Variants in CENPE observed in about 807,000 individuals in gnomAD.
CENPE encodes the protein centromere-associated protein E.
Under a neutral mutation model 336.1 loss-of-function variants are expected in CENPE, and 145 were observed. The observed-to-expected ratio is 0.43, with a 90% CI of 0.38 to 0.50. The LOEUF is 0.50. Among genes scored for constraint, CENPE ranks in the 20% least tolerant of loss-of-function variants. The probability of loss-of-function intolerance (pLI) is 0.00; values close to 1 mark genes in which losing one functional copy is unlikely to be tolerated. For synonymous variants in CENPE, 1,013 were observed against 984.8 expected (o/e 1.03, Z -0.54); for missense variants, 2,719 against 3,023.3 (o/e 0.90, Z 2.36).
chr4:103,154,561 C>T (rs144932190), intron 24 of CENPE, among the ~76,000 whole-genome samples: 22 of 152,146 alleles, frequency 1.4e-4, no homozygotes, highest in Middle Eastern at 6.8e-3. Context: ...GTAGGGAACA[C>T]GTAGTCTTTT....
chr4:103,174,174 A>T (rs527294583), intron 16 of CENPE, among the ~76,000 whole-genome samples: 72 of 147,540 alleles, frequency 4.9e-4, no homozygotes, highest in African/African-American at 7.9e-4. Flanking sequence ...CAGCTATTTA[A>T]AAAAAAAAAA....
intron 38 of CENPE, 43 bp from the exon 39 acceptor site, chr4:103,138,492 T>C: frequency 8.3e-7 from 1 of 1,209,624 alleles, no homozygotes; most frequent in Non-Finnish European, 1.2e-6. Flanking sequence ...TTGTCATGAC[T>C]ATATTCACAT....
chr4:103,129,139 C>A (rs568880580), intron 42 of CENPE, among the ~76,000 whole-genome samples: 2 of 152,218 alleles, frequency 1.3e-5, no homozygotes, highest in East Asian at 1.9e-4. Context: ...TGGACCAATT[C>A]TTTGAAAGAC....
At chr4:103,113,686 A>G (rs2125844573) in intron 46 of CENPE, among the ~76,000 whole-genome samples, 1 of 146,720 alleles carries the variant, frequency 6.8e-6, no homozygotes, top group African/African-American at 2.5e-5. Context: ...GTATACTTAT[A>G]TATGTATAAT....
At chr4:103,154,627 C>A (rs996527122) in intron 24 of CENPE, among the ~76,000 whole-genome samples, 5 of 152,068 alleles carry the variant, frequency 3.3e-5, no homozygotes, top group Admixed American at 1.3e-4. Flanking sequence ...AAATACAAAG[C>A]AGATTGAGAC....
intron 40 of CENPE, among the ~76,000 whole-genome samples, chr4:103,135,204 G>A (rs1386957174): frequency 1.3e-5 from 2 of 152,104 alleles, no homozygotes; most frequent in Admixed American, 6.5e-5. Flanking sequence ...TCTTACAAAT[G>A]TATTATCTAT....
intron 20 of CENPE, 114 bp downstream of exon 20, chr4:103,160,972 T>G: frequency 1.9e-6 from 2 of 1,036,790 alleles, no homozygotes. Flanking sequence ...ATTGAGTTTT[T>G]AAAAAGTCAG....
intron 43 of CENPE, among the ~76,000 whole-genome samples, chr4:103,120,778 C>T (rs1366370731): frequency 2.0e-5 from 3 of 151,766 alleles, no homozygotes; most frequent in Non-Finnish European, 4.4e-5. Context: ...CTCTGTTGCC[C>T]AGGCTGGAAT....
In CENPE at chr4:103,146,008, T is replaced by A; in HGVS notation, c.4234A>T (p.Lys1412Ter). 6.2e-7 allele frequency: 1 copy of A among 1,614,008 alleles called. No individual in the cohort carries two copies. ...TCTATCCTTAGTAGTGCTGAATCTT[T>A]GGGTTTGAATTGCTCCATCTCACTC... ...IVSEMEQFKP[K>*]DSALLRIEIE... The change falls in exon 30 of 49, where the codon AAA becomes TAA. Residue 1412 changes from lysine to a stop codon, truncating the protein, a stop_gained. Coordinates refer to ENST00000265148, the MANE Select transcript of CENPE (RefSeq NM_001813.3). LOFTEE classifies it high-confidence loss of function.
At chr4:103,113,163 C>G (rs1432616913) in intron 46 of CENPE, among the ~76,000 whole-genome samples, 4 of 123,040 alleles carry the variant, frequency 3.3e-5, no homozygotes, top group Non-Finnish European at 6.6e-5. Context: ...TGTATATATA[C>G]TTATAAGTAT....
chr4:103,194,042 C>T lies in CENPE; in HGVS notation c.693+187G>A, dbSNP rs3816642. On this transcript the variant is annotated intron_variant, in intron 8 of 48. Transcript: ENST00000265148. ...ACCATGACATAACAGGAAGAAAGAT[C>T]CTCTGAATTTTTCCTACGACATTTT... 0.17 allele frequency among the ~76,000 whole-genome samples: 25,701 copies of T among 151,784 alleles called. 2,449 individuals carry two copies. Among genetic ancestry groups the T allele is most frequent in the Non-Finnish European group, 0.2 (13,735 of 67,758 alleles).
intron 33 of CENPE, 142 bp from the exon 34 acceptor site, chr4:103,143,548 C>T: frequency 1.6e-6 from 1 of 625,258 alleles, no homozygotes; most frequent in East Asian, 2.8e-5. Context: ...TTTTAGATGT[C>T]AATACATTCT....
Position 103,181,534 on chromosome 4 carries a change from TA to T in CENPE, c.964-79del. ...TTTAATTAATAATATTTAGCTTTCT[TA>T]TATTCAAGATTAAAAAAATCAATAC... On this transcript the variant is annotated intron_variant, in intron 11 of 48. Transcript: ENST00000265148. 3 of 1,219,562 alleles carry T rather than the reference TA, an allele frequency of 2.5e-6. No homozygotes were observed. The Middle Eastern group carries it at 8.4e-4, about 340-fold the overall frequency. 75.5% of individuals were successfully genotyped at this position (1,219,562 alleles called of 1,614,324 possible).
intron 29 of CENPE, 102 bp downstream of exon 29, chr4:103,147,253 AC>A: frequency 9.6e-7 from 1 of 1,044,040 alleles, no homozygotes. Flanking sequence ...CATTAAAAAA[AC>A]TGGTAACATA....
rs376286921 is a variant in CENPE at position 103,149,115 on chromosome 4, T to C, written c.3687+3A>G. ...ATAGATGAAGGAAAAGGGTATAACT[T>C]ACTGTAGCTTCAATTTCTCTTATAT... On this transcript the variant is annotated splice_donor_region_variant and intron_variant, in intron 27 of 48. Coordinates refer to ENST00000265148, the MANE Select transcript of CENPE (RefSeq NM_001813.3). 1.0e-5 allele frequency: 16 copies of C among 1,585,342 alleles called. No individual in the cohort carries two copies. Among genetic ancestry groups the C allele is most frequent in the Non-Finnish European group, 1.2e-5 (14 of 1,172,636 alleles).
Position 103,140,399 on chromosome 4 carries a change from G to C in CENPE, c.5770C>G (p.Gln1924Glu), listed in dbSNP as rs748395929. Residue 1924 changes from glutamine (Q) to glutamate (E), a missense_variant, in exon 37 of 49, where the codon CAG becomes GAG. Physicochemically the swap from Gln to Glu is conservative, Grantham distance 29 (BLOSUM62 2). This residue lies in a region of CENPE where 2,437 missense variants were observed against 2,513.3 expected (regional missense o/e 0.97). Transcript: ENST00000265148. ...ETKARDLEIQQELKTARMLSK... is the reference protein window; with the variant it reads ...ETKARDLEIQEELKTARMLSK... ...AGCATACGAGCAGTTTTTAGTTCCT[G>C]TTGTATTTCCAGATCCTTTATGGTT... 6.3e-7 allele frequency: 1 copy of C among 1,590,208 alleles called. No individual in the cohort carries two copies.
In CENPE at chr4:103,123,743, T is replaced by C. The variant is rs374049894; in HGVS notation, c.6925-654A>G. On this transcript the variant is annotated intron_variant, in intron 42 of 48. Coordinates refer to ENST00000265148, the MANE Select transcript of CENPE (RefSeq NM_001813.3). ...AGAAATGTGTTCCAGTTGATGACAATGTGTTGTACCAGCAAGCATTGAGCA... is the reference window on the plus strand; with the variant it reads ...AGAAATGTGTTCCAGTTGATGACAACGTGTTGTACCAGCAAGCATTGAGCA... Among the ~76,000 whole-genome samples, 6 of 152,240 alleles carry C rather than the reference T, an allele frequency of 3.9e-5. No individual in the cohort carries two copies. The East Asian group carries it at 9.6e-4, about 24-fold the overall frequency.
chr4:103,134,172 G>A lies in CENPE; in HGVS notation c.6523-280C>T, dbSNP rs148344229. ...ACTTCAAATTCAACATGTTTAAAAC[G>A]TAACATGATCCCTTTCTCTACAAGT... On this transcript the variant is annotated intron_variant, in intron 40 of 48. Coordinates refer to ENST00000265148, the MANE Select transcript of CENPE (RefSeq NM_001813.3). 2.4e-4 allele frequency among the ~76,000 whole-genome samples: 37 copies of A among 152,206 alleles called. 1 individual carries two copies. Among genetic ancestry groups the A allele is most frequent in the Admixed American group, 4.6e-4 (7 of 15,284 alleles).
In CENPE at chr4:103,145,115, C is replaced by T; in HGVS notation, c.4792G>A (p.Val1598Ile). 1.2e-6 allele frequency: 2 copies of T among 1,608,456 alleles called. No homozygotes were observed. Among genetic ancestry groups the T allele is most frequent in the Non-Finnish European group, 1.7e-6 (2 of 1,177,858 alleles). Residue 1598 changes from valine to isoleucine, a missense_variant, in exon 32 of 49, where the codon GTA becomes ATA. Coordinates refer to ENST00000265148, the MANE Select transcript of CENPE (RefSeq NM_001813.3). Reference sequence around the variant, plus strand: ...CTCTCTATCTGAAGGGCCTCCTGTACTCTTTTCATTTCCTCTTTTTCCTTA... The same window carrying T: ...CTCTCTATCTGAAGGGCCTCCTGTATTCTTTTCATTTCCTCTTTTTCCTTA... ...MIKEKEEMKR[V>I]QEALQIERDQ...
Sources: allele counts gnomAD v4.1 joint callset (sites outside exome capture counted in the v4.1 genomes callset), GRCh38; gene constraint gnomAD v4.1.1; regional missense constraint gnomAD v4.1.1; transcripts MANE v1.5; gene names NCBI Gene and HGNC (gene_info 2026-07-23, HGNC 2026-07-21).